The following TRAPPC10 variants were observed in gnomAD, a reference collection of about 807,000 sequenced individuals.
TRAPPC10 encodes trafficking protein particle complex subunit 10.
In TRAPPC10, 23 loss-of-function variants were observed where a neutral mutation model predicts 125.5. The observed-to-expected ratio is 0.18, with a 90% CI of 0.13 to 0.26. TRAPPC10 has a LOEUF of 0.26. TRAPPC10 is among the 10% of genes least tolerant of loss of function. The pLI, the probability that TRAPPC10 is intolerant of heterozygous loss-of-function variation, is 1.00. For synonymous variants in TRAPPC10, 509 were observed against 518.0 expected (o/e 0.98, Z 0.24); for missense variants, 1,123 against 1,308.4 (o/e 0.86, Z 2.19).
chr21:44,020,726 C>G (rs1435631169), intron 1 of TRAPPC10, among the ~76,000 whole-genome samples: 1 of 152,208 alleles, frequency 6.6e-6, no homozygotes. Context: ...GTAACTTTAA[C>G]TCAATCTGTA....
At chr21:44,095,198 TCAC>T (rs1354303605) in intron 20 of TRAPPC10, among the ~76,000 whole-genome samples, 2 of 151,072 alleles carry the variant, frequency 1.3e-5, no homozygotes, top group Middle Eastern at 3.5e-3. Context: ...CAGGCACGTG[TCAC>T]CACACCTGGC....
At chr21:44,068,268 G>A (rs1306638304) in intron 7 of TRAPPC10, among the ~76,000 whole-genome samples, 1 of 152,200 alleles carries the variant, frequency 6.6e-6, no homozygotes, top group African/African-American at 2.4e-5. Flanking sequence ...AATGAGTAGG[G>A]GGAGTAAGAA....
rs1486026451 is a variant in TRAPPC10 at position 44,087,084 on chromosome 21, T to A, written c.2539+124T>A. 8.8e-7 allele frequency: 1 copy of A among 1,137,416 alleles called. No individual in the cohort carries two copies. The highest frequency in any genetic ancestry group is 1.6e-5 in the African/African-American group (1 of 64,302). The allele number at this position is 1,137,416 out of a possible 1,614,324, so 70.5% of individuals were successfully genotyped here. A position where few individuals can be genotyped will look rare whatever the true frequency, so the allele number is the denominator to read the frequency against. On this transcript the variant is annotated intron_variant, in intron 16 of 22. Coordinates refer to ENST00000291574, the MANE Select transcript of TRAPPC10 (RefSeq NM_003274.5). This position sits in a 1 kb window ranked among gnomAD's most constrained non-coding sequence, Gnocchi z 4.6. ...GCCCCTCAACAGTGTCTGGAGTCCG[T>A]GTTCCATAGGAGCCCTGCGGCCTGA...
rs371602108 is a variant in TRAPPC10 at position 44,028,923 on chromosome 21, G to A, written c.68-3168G>A. Among the ~76,000 whole-genome samples the A allele has an allele frequency of 3.7e-4, 56 of 152,280 alleles. 1 individual carries two copies. Among genetic ancestry groups the A allele is most frequent in the Admixed American group, 1.2e-3 (19 of 15,292 alleles). On this transcript the variant is annotated intron_variant, in intron 1 of 22. Coordinates refer to ENST00000291574, the MANE Select transcript of TRAPPC10 (RefSeq NM_003274.5). ...TTAAAATGAAAATTTAGCCTGGAACGTGCTCTGCCTCGCAGTTCAGCCCGC... is the reference window on the plus strand; with the variant it reads ...TTAAAATGAAAATTTAGCCTGGAACATGCTCTGCCTCGCAGTTCAGCCCGC...
chr21:44,064,991 G>T (rs2036332340), intron 7 of TRAPPC10, among the ~76,000 whole-genome samples: 1 of 152,180 alleles, frequency 6.6e-6, no homozygotes, highest in Non-Finnish European at 1.5e-5. Context: ...CTAACTGCAG[G>T]TTGGGGACGG....
At chr21:44,046,584 T>C (rs1247335464) in intron 3 of TRAPPC10, 2 of 189,374 alleles carry the variant, frequency 1.1e-5, no homozygotes, top group Admixed American at 1.2e-4. Context: ...CGATCTCGGC[T>C]CACTGCAACC....
intron 1 of TRAPPC10, among the ~76,000 whole-genome samples, chr21:44,026,192 C>T (rs560934715): frequency 7.9e-4 from 120 of 152,056 alleles, no homozygotes; most frequent in African/African-American, 2.6e-3. Flanking sequence ...TGTGCTTTCT[C>T]GTTGACCTTC....
chr21:44,021,653 G>A (rs758454616), intron 1 of TRAPPC10, among the ~76,000 whole-genome samples: 1 of 152,126 alleles, frequency 6.6e-6, no homozygotes, highest in African/African-American at 2.4e-5. Context: ...CTGAACATTT[G>A]TGTCCCTCCC....
chr21:44,032,379 C>CTTTTTTTTTTTTTTTTTT (rs1200011844), intron 2 of TRAPPC10, among the ~76,000 whole-genome samples: 1 of 108,472 alleles, frequency 9.2e-6, no homozygotes, highest in Non-Finnish European at 1.8e-5. Flanking sequence ...CCATGGTTTT[C>CTTTTTTTTTTTTTTTTTT]TTTTTTTTTT....
intron 18 of TRAPPC10, among the ~76,000 whole-genome samples, chr21:44,091,532 C>T (rs1370725816): frequency 2.0e-5 from 3 of 152,150 alleles, no homozygotes; most frequent in East Asian, 3.9e-4. Context: ...CTCCACCTCC[C>T]AGGTTCAAGC....
intron 1 of TRAPPC10, among the ~76,000 whole-genome samples, 195 bp downstream of exon 1, chr21:44,012,755 CG>C (rs1372050380): frequency 6.6e-6 from 1 of 152,008 alleles, no homozygotes; most frequent in East Asian, 1.9e-4. Context: ...TCCCGCCGGG[CG>C]ACCTCTGACC....
At chr21:44,032,763 G>T (rs1401906718) in intron 2 of TRAPPC10, among the ~76,000 whole-genome samples, 3 of 152,186 alleles carry the variant, frequency 2.0e-5, no homozygotes, top group Non-Finnish European at 4.4e-5. Flanking sequence ...TTATAGGAAT[G>T]ATCTGTGATT....
chr21:44,043,185 A>G (rs1426382589), intron 3 of TRAPPC10, among the ~76,000 whole-genome samples: 1 of 149,782 alleles, frequency 6.7e-6, no homozygotes, highest in East Asian at 1.9e-4. Context: ...ATCCTGTGCC[A>G]GAATCAGACT....
At chr21:44,036,762 T>TA (rs1201883427) in intron 2 of TRAPPC10, among the ~76,000 whole-genome samples, 1 of 152,132 alleles carries the variant, frequency 6.6e-6, no homozygotes, top group Non-Finnish European at 1.5e-5. Flanking sequence ...TGTCACTTTT[T>TA]AAAAAAATTA....
chr21:44,024,347 T>A (rs1445703871), intron 1 of TRAPPC10, among the ~76,000 whole-genome samples: 2 of 152,164 alleles, frequency 1.3e-5, no homozygotes, highest in African/African-American at 4.8e-5. Context: ...ATTGAACAGG[T>A]CTGGGTGGGG....
chr21:44,064,962 C>T (rs1028113924), intron 7 of TRAPPC10, among the ~76,000 whole-genome samples: 1 of 152,148 alleles, frequency 6.6e-6, no homozygotes, highest in Admixed American at 6.5e-5. Context: ...TTTAGAGACT[C>T]TGCCTGGGTT....
At chr21:44,083,939 G>A (rs1001163489) in intron 14 of TRAPPC10, among the ~76,000 whole-genome samples, 183 bp from the exon 15 acceptor site, 5 of 152,216 alleles carry the variant, frequency 3.3e-5, no homozygotes, top group African/African-American at 1.2e-4. Flanking sequence ...CACGAATTGA[G>A]AGATTCTGAG....
Position 44,075,089 on chromosome 21 carries a change from C to T in TRAPPC10, c.1236C>T (p.Asn412=). ...GACTTGTGTCAGAGAAAGGACCTAA[C>T]TCAGAAGATCTCAACAGGACAGTTG... ...LCGLVSEKGP[N]SEDLNRTVDL... Residue 412 remains asparagine, a synonymous_variant, in exon 9 of 23, where the codon AAC becomes AAT. Transcript: ENST00000291574. 1.2e-6 allele frequency: 2 copies of T among 1,614,196 alleles called. No individual in the cohort carries two copies. The highest frequency in any genetic ancestry group is 1.7e-6 in the Non-Finnish European group (2 of 1,180,036).
chr21:44,086,999 CCTTGCCCTG>C, intron 16 of TRAPPC10, 39 bp downstream of exon 16: 1 of 1,608,302 alleles, frequency 6.2e-7, no homozygotes, highest in Non-Finnish European at 8.5e-7. Flanking sequence ...AGGATGCCCA[CCTTGCCCTG>C]CACTGTGTGG....
Sources: allele counts gnomAD v4.1 joint callset (sites outside exome capture counted in the v4.1 genomes callset), GRCh38; gene constraint gnomAD v4.1.1; non-coding constraint Gnocchi (gnomAD v3.1); transcripts MANE v1.5; gene names NCBI Gene and HGNC (gene_info 2026-07-23, HGNC 2026-07-21).